RASA1: variants seen among roughly 807,000 people sequenced by gnomAD.
The protein encoded by RASA1 is ras GTPase-activating protein 1.
Under a neutral mutation model 132.2 loss-of-function variants are expected in RASA1, and 25 were observed. The observed-to-expected ratio is 0.19, with a 90% CI of 0.14 to 0.26. The LOEUF (loss-of-function observed/expected upper bound fraction) is 0.26. RASA1 is among the 10% of genes least tolerant of loss of function. The pLI is 1.00. For synonymous variants in RASA1, 477 were observed against 449.9 expected (o/e 1.06, Z -0.76); for missense variants, 964 against 1,299.2 (o/e 0.74, Z 3.97).
intron 21 of RASA1, among the ~76,000 whole-genome samples, chr5:87,383,999 G>A (rs1034091707): frequency 2.0e-5 from 3 of 151,886 alleles, no homozygotes; most frequent in South Asian, 2.1e-4. Flanking sequence ...GTCTGAGATG[G>A]CATGATTACA....
intron 17 of RASA1, among the ~76,000 whole-genome samples, chr5:87,378,109 T>C (rs1761446843): frequency 6.6e-6 from 1 of 152,220 alleles, no homozygotes; most frequent in Non-Finnish European, 1.5e-5. Flanking sequence ...AGCTGTCTAA[T>C]TGATCTTAAG....
intron 1 of RASA1, among the ~76,000 whole-genome samples, chr5:87,281,895 G>A (rs922319071): frequency 1.5e-4 from 23 of 151,922 alleles, no homozygotes; most frequent in African/African-American, 5.1e-4. Flanking sequence ...GCCTATTTTC[G>A]AGTTGAGTTT....
chr5:87,287,004 C>T (rs1284107883), intron 1 of RASA1, among the ~76,000 whole-genome samples: 6 of 145,292 alleles, frequency 4.1e-5, no homozygotes, highest in Admixed American at 2.1e-4. Flanking sequence ...CATATATATA[C>T]CATATATATA....
chr5:87,285,981 C>T (rs957886365), intron 1 of RASA1, among the ~76,000 whole-genome samples: 8 of 151,552 alleles, frequency 5.3e-5, no homozygotes, highest in African/African-American at 1.2e-4. Context: ...ATTCTACCTC[C>T]GAAATAGATC....
chr5:87,281,554 G>C (rs1356688960), intron 1 of RASA1, among the ~76,000 whole-genome samples: 1 of 151,148 alleles, frequency 6.6e-6, no homozygotes, highest in Non-Finnish European at 1.5e-5. Context: ...TCTTTTTTTT[G>C]AAGAAATGTC....
chr5:87,309,412 TTGAG>T (rs559049327), intron 1 of RASA1, among the ~76,000 whole-genome samples: 133 of 152,206 alleles, frequency 8.7e-4, no homozygotes, highest in African/African-American at 2.6e-3. Context: ...ATAGGACTCA[TTGAG>T]TGACATTTTT....
chr5:87,360,390 C>G (rs548461303), intron 9 of RASA1, among the ~76,000 whole-genome samples: 39 of 152,276 alleles, frequency 2.6e-4, no homozygotes, highest in Admixed American at 5.2e-4. Flanking sequence ...TCCTAAAGTA[C>G]TGGGATTAAA....
At chr5:87,304,920 T>C in intron 1 of RASA1, among the ~76,000 whole-genome samples, 1 of 146,006 alleles carries the variant, frequency 6.8e-6, no homozygotes, top group East Asian at 2.2e-4. Context: ...TTTTTTGGCC[T>C]GTGTAACTTC....
chr5:87,363,119 T>C (rs1328117635), intron 10 of RASA1, among the ~76,000 whole-genome samples: 2 of 152,080 alleles, frequency 1.3e-5, no homozygotes, highest in African/African-American at 2.4e-5. Context: ...TCTGAAGATA[T>C]AGTTAAGGTA....
At chr5:87,356,634 A>G (rs1759673697) in intron 9 of RASA1, among the ~76,000 whole-genome samples, 1 of 152,104 alleles carries the variant, frequency 6.6e-6, no homozygotes, top group Non-Finnish European at 1.5e-5. Flanking sequence ...TGGTCTCCCA[A>G]AATGCTGGGA....
intron 1 of RASA1, among the ~76,000 whole-genome samples, chr5:87,298,983 G>A (rs902407534): frequency 2.6e-5 from 4 of 152,130 alleles, no homozygotes; most frequent in Non-Finnish European, 5.9e-5. Context: ...TGTGCTCTTG[G>A]AAATCCAGAA....
chr5:87,284,590 G>A (rs1267876027), intron 1 of RASA1, among the ~76,000 whole-genome samples: 1 of 152,198 alleles, frequency 6.6e-6, no homozygotes, highest in Non-Finnish European at 1.5e-5. Flanking sequence ...ATGCTTTATT[G>A]CTGGTGGTAG....
Position 87,277,360 on chromosome 5 carries a change from A to T in RASA1, c.539+8370A>T, listed in dbSNP as rs554701341. On this transcript the variant is annotated intron_variant, in intron 1 of 24. Transcript: ENST00000274376. ...AAGCCTTAACCACCAATGTAACTGA[A>T]TTTGGAGATACAGCCTTTAAAAGAG... Among the ~76,000 whole-genome samples the T allele has an allele frequency of 4.6e-5, 7 of 152,274 alleles. No homozygotes were observed. The East Asian group carries it at 1.4e-3, about 29-fold the overall frequency.
At chr5:87,351,342 A>G (rs1034856035) in intron 8 of RASA1, among the ~76,000 whole-genome samples, 1 of 151,784 alleles carries the variant, frequency 6.6e-6, no homozygotes, top group Non-Finnish European at 1.5e-5. Context: ...TAGAAAAGAA[A>G]GTATGGTATG....
chr5:87,323,075 A>T (rs1756945443), intron 1 of RASA1, among the ~76,000 whole-genome samples: 1 of 152,204 alleles, frequency 6.6e-6, no homozygotes, highest in Non-Finnish European at 1.5e-5. Context: ...GATTGCTCTC[A>T]TAGAGGTTAT....
At chr5:87,318,690 G>A (rs1466146087) in intron 1 of RASA1, 1 of 152,124 alleles carries the variant, frequency 6.6e-6, no homozygotes, top group Non-Finnish European at 1.5e-5. Flanking sequence ...CCAACACTGG[G>A]AATTACAATT....
chr5:87,333,091 GAAC>G (rs1355859865), intron 3 of RASA1, among the ~76,000 whole-genome samples, 173 bp from the exon 4 acceptor site: 1 of 151,934 alleles, frequency 6.6e-6, no homozygotes, highest in Non-Finnish European at 1.5e-5. Flanking sequence ...ATAAAAACAG[GAAC>G]AACAAAAAAG....
chr5:87,304,709 C>A (rs1755529442), intron 1 of RASA1, among the ~76,000 whole-genome samples: 1 of 152,148 alleles, frequency 6.6e-6, no homozygotes, highest in Non-Finnish European at 1.5e-5. Context: ...CTCAAGTGAT[C>A]CACCCGCATC....
At chr5:87,340,403 G>A (rs1452518076) in intron 5 of RASA1, among the ~76,000 whole-genome samples, 2 of 151,830 alleles carry the variant, frequency 1.3e-5, no homozygotes, top group African/African-American at 2.4e-5. Context: ...CAATGATAAT[G>A]CTATTCATTT....
Sources: allele counts gnomAD v4.1 joint callset (sites outside exome capture counted in the v4.1 genomes callset), GRCh38; gene constraint gnomAD v4.1.1; transcripts MANE v1.5; gene names NCBI Gene and HGNC (gene_info 2026-07-23, HGNC 2026-07-21).